TENM3: variants seen among roughly 807,000 people sequenced by gnomAD.
TENM3 encodes the protein teneurin-3.
Under a neutral mutation model 255.1 loss-of-function variants are expected in TENM3, and 63 were observed. The ratio of observed to expected loss-of-function variants is 0.25; its 90% CI spans 0.20 to 0.30. The LOEUF (loss-of-function observed/expected upper bound fraction) is 0.30, where lower values mean the gene tolerates loss of function less well. Ranked by LOEUF, TENM3 falls within the 10% of genes least tolerant of loss-of-function variation. The pLI, the probability that TENM3 is intolerant of heterozygous loss-of-function variation, is 1.00. For synonymous variants in TENM3, 1,306 were observed against 1,322.3 expected, an observed-to-expected ratio of 0.99 and a Z score of 0.27; for missense variants, 2,929 against 3,461.1, an observed-to-expected ratio of 0.85 and a Z score of 3.86.
At chr4:182,585,237 T>TGGG (rs1745896807) in intron 3 of TENM3, among the ~76,000 whole-genome samples, 1 of 152,136 alleles carries the variant, frequency 6.6e-6, no homozygotes, top group African/African-American at 2.4e-5. Flanking sequence ...GGTGAGGAAT[T>TGGG]GGAGTATTTA....
intron 3 of TENM3, among the ~76,000 whole-genome samples, chr4:182,462,803 C>A (rs2151400369): frequency 6.6e-6 from 1 of 151,962 alleles, no homozygotes; most frequent in South Asian, 2.1e-4. Context: ...AGGAGAATCA[C>A]TAGAACCTGG....
chr4:182,799,953 C>T lies in TENM3; in HGVS notation c.7702C>T (p.Arg2568Cys), dbSNP rs1472018626. 6.3e-7 allele frequency: 1 copy of T among 1,592,952 alleles called. No individual in the cohort carries two copies. Among genetic ancestry groups the T allele is most frequent in the East Asian group, 2.3e-5 (1 of 43,656 alleles). The change falls in exon 28 of 28, where the codon CGC (arginine) becomes TGC (cysteine). Residue 2568 changes from arginine (R) to cysteine (C), a missense_variant. Transcript: ENST00000511685. The surrounding 1 kb of genome is among the most constrained non-coding windows in gnomAD (Gnocchi z 4.2). ...DLGTLRLTSG[R>C]KALENGINVT... ...GGGCACGCTGCGGTTGACCAGCGGC[C>T]GCAAGGCGCTGGAGAACGGCATCAA...
At chr4:182,318,960 G>A (rs1303328807) in intron 1 of TENM3, among the ~76,000 whole-genome samples, 3 of 151,928 alleles carry the variant, frequency 2.0e-5, no homozygotes, top group Non-Finnish European at 4.4e-5. Context: ...TAGAAATGTG[G>A]TCTCACTGTG....
At chr4:181,887,639 T>A in the TENM3 span, among the ~76,000 whole-genome samples, 1 of 152,196 alleles carries the variant, frequency 6.6e-6, no homozygotes, top group Non-Finnish European at 1.5e-5. Flanking sequence ...CACGACAAAA[T>A]TTTAAGTTCA....
the TENM3 span, among the ~76,000 whole-genome samples, chr4:181,854,485 AT>A: frequency 0.021 from 3,149 of 152,138 alleles, 105 homozygotes; most frequent in African/African-American, 0.071. Context: ...AGAGTTTCCC[AT>A]TTTTTTCCCC....
At chr4:182,602,832 T>C (rs1748032899) in intron 4 of TENM3, among the ~76,000 whole-genome samples, 1 of 152,200 alleles carries the variant, frequency 6.6e-6, no homozygotes, top group South Asian at 2.1e-4. Context: ...GGAAAAAATT[T>C]ATTAGGAAAA....
intron 1 of TENM3, among the ~76,000 whole-genome samples, chr4:182,214,080 G>T (rs1239685172): frequency 6.6e-6 from 1 of 151,704 alleles, no homozygotes; most frequent in Non-Finnish European, 1.5e-5. Flanking sequence ...GGGATTACAG[G>T]TGTGAACCAC....
chr4:182,156,481 A>G (rs1424305115), intron 1 of TENM3, among the ~76,000 whole-genome samples: 3 of 152,044 alleles, frequency 2.0e-5, no homozygotes, highest in Non-Finnish European at 4.4e-5. Flanking sequence ...AGTATCCAGC[A>G]GCTAATTTTG....
chr4:181,529,145 C>T, the TENM3 span, among the ~76,000 whole-genome samples: 3 of 152,144 alleles, frequency 2.0e-5, no homozygotes, highest in African/African-American at 7.2e-5. Flanking sequence ...CTGGGAAAGG[C>T]AGTGTGGGGA....
chr4:181,925,914 A>T, the TENM3 span, among the ~76,000 whole-genome samples: 1 of 152,194 alleles, frequency 6.6e-6, no homozygotes, highest in East Asian at 1.9e-4. Flanking sequence ...GATTCTAGAG[A>T]TTGGGAAAGA....
intron 1 of TENM3, among the ~76,000 whole-genome samples, chr4:182,309,465 G>C (rs1471589093): frequency 6.6e-6 from 1 of 152,152 alleles, no homozygotes; most frequent in Non-Finnish European, 1.5e-5. Context: ...ACTAAAATAA[G>C]CCTACCAGCA....
At chr4:182,457,687 GGTTGGGAC>G in intron 3 of TENM3, among the ~76,000 whole-genome samples, 1 of 150,398 alleles carries the variant, frequency 6.6e-6, no homozygotes, top group African/African-American at 2.4e-5. Context: ...CCTTGCCAAT[GGTTGGGAC>G]CACAGGTGTG....
At chr4:182,098,678 T>C in the TENM3 span, among the ~76,000 whole-genome samples, 1 of 151,882 alleles carries the variant, frequency 6.6e-6, no homozygotes, top group African/African-American at 2.4e-5. Flanking sequence ...AGAAGGGTAG[T>C]GGGAAAGGGG....
chr4:181,608,064 G>A, the TENM3 span, among the ~76,000 whole-genome samples: 1 of 152,156 alleles, frequency 6.6e-6, no homozygotes, highest in Non-Finnish European at 1.5e-5. Context: ...GGTTTGTAAG[G>A]TGCAAACACA....
At chr4:182,776,870 T>C (rs1764726424) in intron 24 of TENM3, among the ~76,000 whole-genome samples, 1 of 152,220 alleles carries the variant, frequency 6.6e-6, no homozygotes, top group South Asian at 2.1e-4. Flanking sequence ...CTATTTAAAA[T>C]GGCCTGTGCC....
At chr4:181,761,113 G>T in the TENM3 span, among the ~76,000 whole-genome samples, 3 of 151,706 alleles carry the variant, frequency 2.0e-5, no homozygotes, top group South Asian at 4.2e-4. Flanking sequence ...TCTCTATATT[G>T]TCAGTTGCTT....
the TENM3 span, among the ~76,000 whole-genome samples, chr4:181,851,590 G>T: frequency 6.6e-6 from 1 of 151,836 alleles, no homozygotes; most frequent in Non-Finnish European, 1.5e-5. Context: ...ATATACACAC[G>T]CACGCACGCA....
chr4:181,686,117 C>T, the TENM3 span, among the ~76,000 whole-genome samples: 4 of 152,058 alleles, frequency 2.6e-5, no homozygotes, highest in East Asian at 1.9e-4. Flanking sequence ...TCTTTGTAGG[C>T]GAAGTGTAAT....
intron 11 of TENM3, among the ~76,000 whole-genome samples, chr4:182,682,985 T>C (rs191022975): frequency 7.2e-5 from 11 of 152,228 alleles, no homozygotes; most frequent in Admixed American, 2.0e-4. Flanking sequence ...ACTTAATGAG[T>C]ATTCAGAGTT....
Sources: gnomAD v4.1 joint callset for allele counts (sites outside exome capture counted in the v4.1 genomes callset) on GRCh38, gnomAD v4.1.1 for gene constraint, Gnocchi (gnomAD v3.1) non-coding constraint, MANE v1.5 for transcripts, NCBI Gene and HGNC (gene_info 2026-07-23, HGNC 2026-07-21) for gene names.